PAXBP1: variants seen among roughly 807,000 people sequenced by gnomAD.
PAXBP1 encodes PAX3 and PAX7 binding protein 1.
A neutral mutation model predicts 119.9 loss-of-function variants in PAXBP1; 44 were observed. That is an observed-to-expected ratio of 0.37 (90% CI 0.29 to 0.47). PAXBP1 has a LOEUF of 0.47. PAXBP1 is among the 20% of genes least tolerant of loss of function. The pLI is 0.99. For synonymous variants in PAXBP1, 393 were observed against 406.6 expected (o/e 0.97, Z 0.40); for missense variants, 898 against 1,134.1 (o/e 0.79, Z 2.99).
chr21:32,741,628 A>C, intron 15 of PAXBP1: 1 of 731,060 alleles, frequency 1.4e-6, no homozygotes, highest in Non-Finnish European at 2.5e-6. Flanking sequence ...ATGACCTATA[A>C]TCAAACAAGG....
chr21:32,761,403 T>C (rs749243792), intron 4 of PAXBP1, among the ~76,000 whole-genome samples: 5 of 152,262 alleles, frequency 3.3e-5, no homozygotes, highest in Admixed American at 6.5e-5. Flanking sequence ...TCTTAATCTC[T>C]GTAAACTTGA....
chr21:32,771,697 T>G lies in PAXBP1; in HGVS notation c.-29A>C, dbSNP rs2044361672. The G allele has an allele frequency of 7.3e-7, 1 of 1,371,936 alleles. No individual in the cohort carries two copies. 85.0% of individuals were successfully genotyped at this position (1,371,936 alleles called of 1,614,324 possible). ...CGCGGCCCGCACGGCGGTCGAATAC[T>G]CGCTTCCACACCGCGGCCCCGGCAG... On this transcript the variant is annotated 5_prime_UTR_variant, in exon 1 of 18. Coordinates refer to ENST00000331923, the MANE Select transcript of PAXBP1 (RefSeq NM_016631.4).
At chr21:32,754,946 T>C (rs1208821673) in intron 8 of PAXBP1, among the ~76,000 whole-genome samples, 1 of 152,178 alleles carries the variant, frequency 6.6e-6, no homozygotes, top group African/African-American at 2.4e-5. Context: ...AAAATACGGA[T>C]AATGTCTTTT....
intron 7 of PAXBP1, among the ~76,000 whole-genome samples, chr21:32,758,026 C>T (rs2146504946): frequency 6.6e-6 from 1 of 152,336 alleles, no homozygotes; most frequent in South Asian, 2.1e-4. Context: ...AGAAACCCTA[C>T]AGAGAGGACA....
intron 2 of PAXBP1, among the ~76,000 whole-genome samples, chr21:32,764,765 T>C (rs2044212854): frequency 6.6e-6 from 1 of 152,144 alleles, no homozygotes; most frequent in South Asian, 2.1e-4. Context: ...ACAGAGGATG[T>C]AATAAAGGAT....
intron 7 of PAXBP1, 41 bp from the exon 8 acceptor site, chr21:32,755,394 G>T: frequency 1.3e-6 from 2 of 1,590,622 alleles, no homozygotes; most frequent in Non-Finnish European, 1.7e-6. Flanking sequence ...AAACTCCTCA[G>T]CTGCTTATTT....
intron 6 of PAXBP1, 198 bp from the exon 7 acceptor site, chr21:32,759,467 T>C (rs2044101475): frequency 1.5e-6 from 1 of 661,174 alleles, no homozygotes; most frequent in Non-Finnish European, 2.5e-6. Context: ...TTTTGTGGGC[T>C]AACCAAAATC....
chr21:32,748,203 C>T (rs554140161), intron 11 of PAXBP1, among the ~76,000 whole-genome samples: 2 of 152,234 alleles, frequency 1.3e-5, no homozygotes, highest in Admixed American at 6.5e-5. Flanking sequence ...CAAGTTCTTA[C>T]TATTCATGTT....
chr21:32,767,988 T>C (rs1335675266), intron 2 of PAXBP1, among the ~76,000 whole-genome samples: 1 of 152,216 alleles, frequency 6.6e-6, no homozygotes, highest in Non-Finnish European at 1.5e-5. Flanking sequence ...AAAACATTCC[T>C]CCTTCCACTT....
In PAXBP1 at chr21:32,761,005, T is replaced by C; in HGVS notation, c.975+54A>G. On this transcript the variant is annotated intron_variant, in intron 5 of 17. Transcript: ENST00000331923. ...TACGGAATTTTTTACTTTAACAAAA[T>C]AAAAAAGGCTTTTTAATCTACTTTT... 2.7e-6 allele frequency: 4 copies of C among 1,481,366 alleles called. No individual in the cohort carries two copies. In the South Asian group the frequency reaches 4.9e-5, roughly 18 times the overall value. The allele number at this position is 1,481,366 out of a possible 1,614,324, so 91.8% of individuals were successfully genotyped here. A position where few individuals can be genotyped will look rare whatever the true frequency, so the allele number is the denominator to read the frequency against.
In PAXBP1 at chr21:32,751,171, C is replaced by T; in HGVS notation, c.1555G>A (p.Ala519Thr). 1 of 1,614,124 alleles carries T rather than the reference C, an allele frequency of 6.2e-7. No individual in the cohort carries two copies. The highest frequency in any genetic ancestry group is 8.5e-7 in the Non-Finnish European group (1 of 1,179,988). ...CGTTTTGCATGCTCTTGATACAGTG[C>T]CCGATCGCGTCCAAAGGAGTCAAGA... is the stretch of plus-strand genomic sequence containing the variant. ...PNLDSFGRDR[A>T]LYQEHAKRRI... The change falls in exon 9 of 18, where the codon GCA becomes ACA. Residue 519 changes from alanine to threonine, a missense_variant. Transcript: ENST00000331923.
intron 13 of PAXBP1, 70 bp from the exon 14 acceptor site, chr21:32,743,824 T>TC (rs2043826043): frequency 1.3e-5 from 11 of 868,100 alleles, no homozygotes; most frequent in Non-Finnish European, 2.0e-5. Flanking sequence ...ATATTCCAAA[T>TC]CATGTAACTG....
Position 32,734,965 on chromosome 21 carries a change from C to G in PAXBP1, c.2739G>C (p.Leu913Phe), listed in dbSNP as rs2043672382. Reference protein sequence around the residue: ...SDHNVKEFKSLIEGK With the variant: ...SDHNVKEFKSFIEGK ...TCTCATAGATCTATTTTCCTTCGAT[C>G]AAAGACTTAAATTCTTTCACATTGT... Residue 913 changes from leucine to phenylalanine, a missense_variant, in exon 18 of 18, where the codon TTG (leucine) becomes TTC (phenylalanine). Leu to Phe is a conservative substitution (Grantham distance 22). This residue lies in a region of PAXBP1 where 599 missense variants were observed against 852.7 expected (regional missense o/e 0.70). Transcript: ENST00000331923. 2 of 1,613,200 alleles carry G rather than the reference C, an allele frequency of 1.2e-6. No individual in the cohort carries two copies. Among genetic ancestry groups the G allele is most frequent in the Admixed American group, 1.7e-5 (1 of 59,970 alleles).
In PAXBP1 at chr21:32,759,911, A is replaced by C. The variant is rs540110279; in HGVS notation, c.1059T>G (p.Ile353Met). The C allele has an allele frequency of 6.8e-6, 11 of 1,613,968 alleles. No individual in the cohort carries two copies. In the African/African-American group the frequency reaches 1.5e-4, roughly 22 times the overall value. ...ATCCATAGGCCGTATAACTATAAGG[A>C]ATGCCATAGGATGAGCCGTAAGGCA... ...QTMPYGSSYGIPYSYTAYGSS... is the reference protein window; with the variant it reads ...QTMPYGSSYGMPYSYTAYGSS... The change falls in exon 6 of 18, where the codon ATT becomes ATG. Residue 353 changes from isoleucine to methionine, a missense_variant. Physicochemically the swap from Ile to Met is conservative, Grantham distance 10. Around this residue, in one of 2 missense-constraint regions of PAXBP1, gnomAD observed 599 missense variants for 852.7 expected, o/e 0.70. Coordinates refer to ENST00000331923, the MANE Select transcript of PAXBP1 (RefSeq NM_016631.4).
At chr21:32,746,710 T>C (rs1211634198) in intron 11 of PAXBP1, among the ~76,000 whole-genome samples, 1 of 152,194 alleles carries the variant, frequency 6.6e-6, no homozygotes, top group African/African-American at 2.4e-5. Flanking sequence ...AGAAATGCCA[T>C]TTGACCCAGC....
chr21:32,769,452 G>C (rs983952103), intron 2 of PAXBP1, among the ~76,000 whole-genome samples: 3 of 152,108 alleles, frequency 2.0e-5, no homozygotes, highest in African/African-American at 7.2e-5. Context: ...TCGCAAATCT[G>C]TCTCTACAAA....
In PAXBP1 at chr21:32,771,438, GC is replaced by G; in HGVS notation, c.230del (p.Gly77AlafsTer13). ...LTPGLGAEAG[G>X]GFPGGAEPGN... is the part of the protein sequence containing the mutation. ...CGGGCTCCGCGCCGCCGGGGAAGCC[GC>G]CCCCGGCCTCAGCCCCGAGGCCCGG... On this transcript the variant is annotated frameshift_variant, in exon 1 of 18. Coordinates refer to ENST00000331923, the MANE Select transcript of PAXBP1 (RefSeq NM_016631.4). LOFTEE classifies it high-confidence loss of function. The G allele has an allele frequency of 6.6e-7, 1 of 1,510,396 alleles. No homozygotes were observed. 93.6% of individuals were successfully genotyped at this position (1,510,396 alleles called of 1,614,324 possible).
chr21:32,760,196 T>C (rs1391468671), intron 5 of PAXBP1, among the ~76,000 whole-genome samples: 2 of 152,214 alleles, frequency 1.3e-5, no homozygotes, highest in Non-Finnish European at 2.9e-5. Context: ...AATTTATTTC[T>C]AATAATTTTC....
chr21:32,764,659 T>C (rs906812448), intron 2 of PAXBP1, 135 bp from the exon 3 acceptor site: 47 of 609,004 alleles, frequency 7.7e-5, no homozygotes, highest in Non-Finnish European at 1.1e-4. Context: ...ATGGGCTCAA[T>C]CCAGTAAAGC....
Sources: gnomAD v4.1 joint callset for allele counts (sites outside exome capture counted in the v4.1 genomes callset) on GRCh38, gnomAD v4.1.1 for gene constraint, gnomAD v4.1.1 regional missense constraint, MANE v1.5 for transcripts, NCBI Gene and HGNC (gene_info 2026-07-23, HGNC 2026-07-21) for gene names.